Variants in TRIM16 observed in about 807,000 individuals in gnomAD.
TRIM16 encodes the protein tripartite motif-containing protein 16.
Under a neutral mutation model 50.4 loss-of-function variants are expected in TRIM16, and 33 were observed. The observed-to-expected ratio is 0.65, with a 90% CI of 0.50 to 0.88. The LOEUF (loss-of-function observed/expected upper bound fraction) is 0.88. TRIM16 is among the 40% of genes least tolerant of loss of function. The probability of loss-of-function intolerance (pLI) is 0.00; values close to 1 mark genes in which losing one functional copy is unlikely to be tolerated. For synonymous variants in TRIM16, 229 were observed against 270.7 expected (o/e 0.85, Z 1.51); for missense variants, 581 against 686.8 (o/e 0.85, Z 1.72).
intron 8 of TRIM16, among the ~76,000 whole-genome samples, chr17:15,637,225 G>A (rs1312884360): frequency 8.8e-4 from 114 of 130,220 alleles, no homozygotes; most frequent in Non-Finnish European, 1.4e-3. Context: ...AGGTGGGGGG[G>A]TCAGCCCCCC....
At chr17:15,632,026 A>C (rs1174434557) in intron 10 of TRIM16, 2 of 384,672 alleles carry the variant, frequency 5.2e-6, no homozygotes, top group Non-Finnish European at 9.6e-6. Context: ...TTTGGGTCTC[A>C]ATTGTAAAAG....
chr17:15,661,229 TAC>T (rs1342131011), intron 6 of TRIM16, among the ~76,000 whole-genome samples: 1 of 152,146 alleles, frequency 6.6e-6, no homozygotes, highest in East Asian at 1.9e-4. Flanking sequence ...ACAAAAACCT[TAC>T]AGTTTGTGAG....
chr17:15,674,061 T>C (rs1489471079), intron 6 of TRIM16, among the ~76,000 whole-genome samples: 9 of 151,788 alleles, frequency 5.9e-5, no homozygotes. Flanking sequence ...AAAAGCAAAA[T>C]AGATTCCTCA....
chr17:15,645,315 CATT>C (rs764119766), intron 7 of TRIM16, among the ~76,000 whole-genome samples: 35 of 152,146 alleles, frequency 2.3e-4, no homozygotes, highest in East Asian at 1.2e-3. Flanking sequence ...TCATCATCAT[CATT>C]ATTACTCCTG....
intron 1 of TRIM16, 137 bp downstream of exon 1, chr17:15,684,040 CCAAAGACACGCTCCAGGGG>C (rs1487165515): frequency 2.0e-5 from 3 of 152,280 alleles, no homozygotes; most frequent in African/African-American, 7.2e-5. Context: ...CACACAAAAC[CCAAAGACACGCTCCAGGGG>C]CAGAGGGGGC....
chr17:15,651,046 C>T (rs1367484193), intron 7 of TRIM16, 45 bp downstream of exon 7: 1 of 1,564,858 alleles, frequency 6.4e-7, no homozygotes. Flanking sequence ...CACACCATCC[C>T]CCACCGCCCT....
rs766944647 is a variant in TRIM16 at position 15,628,784 on chromosome 17, T to C, written c.1526A>G (p.Tyr509Cys). ...IDFPGGILSF[Y>C]GVEYDTMTLV... ...AGTCATGGTATCATACTCTACGCCA[T>C]AGAAGGAAAGGATCCCTCCCGGGAA... The change falls in exon 12 of 12, where the codon TAT (tyrosine) becomes TGT (cysteine). Residue 509 changes from tyrosine to cysteine, a missense_variant. By Grantham distance (194) the Tyr-to-Cys change is radical. This residue lies in a region of TRIM16 where 115 missense variants were observed against 106.7 expected (regional missense o/e 1.08). Transcript: ENST00000649191. 8.7e-6 allele frequency: 14 copies of C among 1,614,114 alleles called. No homozygotes were observed. Among genetic ancestry groups the C allele is most frequent in the Middle Eastern group, 3.3e-4 (2 of 6,062 alleles).
intron 9 of TRIM16, among the ~76,000 whole-genome samples, chr17:15,633,525 A>C (rs1390082904): frequency 6.8e-6 from 1 of 147,904 alleles, no homozygotes; most frequent in East Asian, 2.0e-4. Flanking sequence ...ATCTTTTGCC[A>C]AAATAAATAA....
intron 6 of TRIM16, among the ~76,000 whole-genome samples, chr17:15,676,221 C>T (rs1988935474): frequency 6.6e-6 from 1 of 152,134 alleles, no homozygotes; most frequent in East Asian, 1.9e-4. Context: ...CCATAGCACA[C>T]TTCAGACGTT....
intron 6 of TRIM16, among the ~76,000 whole-genome samples, chr17:15,665,474 A>C (rs1483658465): frequency 1.3e-5 from 2 of 152,212 alleles, no homozygotes; most frequent in African/African-American, 4.8e-5. Flanking sequence ...GTGCCACTGC[A>C]CTCCAGCCTA....
chr17:15,664,579 A>G (rs1413539674), intron 6 of TRIM16, among the ~76,000 whole-genome samples: 2 of 152,188 alleles, frequency 1.3e-5, no homozygotes, highest in African/African-American at 4.8e-5. Context: ...TGTTCTGTTT[A>G]GATCTGCGCT....
chr17:15,679,597 T>C (rs1301762358), intron 4 of TRIM16, among the ~76,000 whole-genome samples: 1 of 152,214 alleles, frequency 6.6e-6, no homozygotes, highest in Non-Finnish European at 1.5e-5. Context: ...CTTAAGGTTA[T>C]CTTCAGTTAA....
chr17:15,650,537 A>C (rs897152605), intron 7 of TRIM16, among the ~76,000 whole-genome samples: 3 of 152,124 alleles, frequency 2.0e-5, no homozygotes, highest in Non-Finnish European at 4.4e-5. Flanking sequence ...ACCTGGACCT[A>C]AGTTTCAAAT....
chr17:15,648,261 A>C (rs1987512728), intron 7 of TRIM16, among the ~76,000 whole-genome samples: 1 of 121,848 alleles, frequency 8.2e-6, no homozygotes, highest in Non-Finnish European at 1.6e-5. Context: ...ACAAACAAAC[A>C]AACAAAAAAA....
intron 6 of TRIM16, among the ~76,000 whole-genome samples, chr17:15,659,029 CAAG>C (rs1406120533): frequency 2.0e-5 from 3 of 152,222 alleles, no homozygotes; most frequent in Non-Finnish European, 2.9e-5. Context: ...GGCTCCTCCG[CAAG>C]AAGGAGGGGC....
intron 6 of TRIM16, among the ~76,000 whole-genome samples, chr17:15,669,824 T>C (rs1988650795): frequency 1.3e-5 from 2 of 152,196 alleles, no homozygotes; most frequent in Middle Eastern, 3.2e-3. Context: ...ACAATCCTTT[T>C]TTGTAGGGGC....
At position 15,632,934 on chromosome 17, in the gene TRIM16, T is replaced by C. The variant is rs981293370; in HGVS notation, c.850-260A>G. The C allele has an allele frequency of 4.9e-5, 18 of 369,018 alleles. 1 individual carries two copies. Among genetic ancestry groups the C allele is most frequent in the African/African-American group, 3.6e-4 (18 of 49,476 alleles). 22.9% of individuals were successfully genotyped at this position (369,018 alleles called of 1,614,324 possible). On this transcript the variant is annotated intron_variant, in intron 9 of 11. Transcript: ENST00000649191. ...ATTTTAAAAATCAAGATGTACTAGA[T>C]GGCCATGAACAGCTCCAATACACAG...
intron 1 of TRIM16, 187 bp from the exon 2 acceptor site, chr17:15,683,344 T>C (rs1420053611): frequency 3.9e-6 from 2 of 513,846 alleles, no homozygotes; most frequent in Non-Finnish European, 7.0e-6. Flanking sequence ...AGTACCTTTA[T>C]ACCACTAGGG....
In TRIM16 at chr17:15,633,926, G is replaced by A. The variant is rs371146755; in HGVS notation, c.850-1252C>T. On this transcript the variant is annotated intron_variant, in intron 9 of 11. Transcript: ENST00000649191. ...AATAAACTTACAGGCTGGGTGCAGT[G>A]GCTCATGCCTGCAATCCCAGCACTT... Among the ~76,000 whole-genome samples, 45 of 149,310 alleles carry A rather than the reference G, an allele frequency of 3.0e-4. 2 individuals carry two copies. The East Asian group carries it at 7.8e-3, about 26-fold the overall frequency.
Sources: allele counts gnomAD v4.1 joint callset (sites outside exome capture counted in the v4.1 genomes callset), GRCh38; gene constraint gnomAD v4.1.1; regional missense constraint gnomAD v4.1.1; transcripts MANE v1.5; gene names NCBI Gene and HGNC (gene_info 2026-07-23, HGNC 2026-07-21).